The following CDH17 variants were observed in gnomAD, a reference collection of about 807,000 sequenced individuals.
CDH17 encodes the protein cadherin 17.
In CDH17, 67 loss-of-function variants were observed where a neutral mutation model predicts 86.3. The observed-to-expected ratio is 0.78, with a 90% CI of 0.64 to 0.95. The LOEUF is 0.95. Ranked by LOEUF, CDH17 falls within the 40% of genes least tolerant of loss-of-function variation. The probability of loss-of-function intolerance (pLI) is 0.00; values close to 1 mark genes in which losing one functional copy is unlikely to be tolerated. For missense variants in CDH17, 993 were observed against 1,017.6 expected (o/e 0.98, Z 0.33); for synonymous variants, 367 against 366.4 (o/e 1.00, Z -0.02).
chr8:94,177,593 A>G lies in CDH17; in HGVS notation c.279T>C (p.Asn93=). The change falls in exon 4 of 18, where the codon AAT becomes AAC. Residue 93 remains asparagine (N), a synonymous_variant. Transcript: ENST00000027335. ...TCAGCTGGTATCAATTTACCTGGAG[A>G]TTGTGAGTAGATCTTGTTTCCCTGT... The part of the protein sequence containing the change: ...ALDRETRSTH[N]LQVAALDANG... The G allele has an allele frequency of 6.2e-7, 1 of 1,613,702 alleles. No homozygotes were observed. Among genetic ancestry groups the G allele is most frequent in the Non-Finnish European group, 8.5e-7 (1 of 1,179,762 alleles).
At chr8:94,180,721 C>G (rs895035573) in intron 3 of CDH17, among the ~76,000 whole-genome samples, 1 of 151,950 alleles carries the variant, frequency 6.6e-6, no homozygotes. Context: ...CGGTGAAACC[C>G]CATCTCTACT....
chr8:94,186,072 C>T (rs1813573290), intron 3 of CDH17, among the ~76,000 whole-genome samples: 1 of 152,140 alleles, frequency 6.6e-6, no homozygotes, highest in African/African-American at 2.4e-5. Context: ...TCACCACAGA[C>T]AGGTATCTAT....
chr8:94,205,904 T>A (rs1814017122), intron 1 of CDH17, among the ~76,000 whole-genome samples: 1 of 152,198 alleles, frequency 6.6e-6, no homozygotes, highest in East Asian at 1.9e-4. Flanking sequence ...CTCTGCTAGA[T>A]GGCCTCTTGG....
chr8:94,130,353 A>C (rs893366606), intron 17 of CDH17, among the ~76,000 whole-genome samples: 12 of 152,182 alleles, frequency 7.9e-5, no homozygotes, highest in Non-Finnish European at 1.6e-4. Context: ...TTTATCACAA[A>C]AGCTTTGTAA....
intron 4 of CDH17, among the ~76,000 whole-genome samples, chr8:94,176,886 G>T (rs1381414703): frequency 3.9e-5 from 6 of 152,224 alleles, no homozygotes; most frequent in Non-Finnish European, 8.8e-5. Context: ...CTTTCTATCA[G>T]CAGGGTGTTC....
At chr8:94,150,898 G>T (rs569003588) in intron 13 of CDH17, among the ~76,000 whole-genome samples, 36 of 152,284 alleles carry the variant, frequency 2.4e-4, no homozygotes, top group African/African-American at 8.4e-4. Context: ...ATCCCCTACT[G>T]TTCTTTCTTC....
intron 17 of CDH17, among the ~76,000 whole-genome samples, chr8:94,129,073 A>G (rs1229338205): frequency 1.3e-5 from 2 of 152,200 alleles, no homozygotes; most frequent in Non-Finnish European, 2.9e-5. Context: ...TTCCAACCCT[A>G]TCTTGAAAAT....
chr8:94,214,442 T>G (rs927604638), intron 1 of CDH17, among the ~76,000 whole-genome samples: 1 of 152,186 alleles, frequency 6.6e-6, no homozygotes, highest in Non-Finnish European at 1.5e-5. Context: ...ATTGTGAAAT[T>G]GATCTTCACA....
Position 94,191,159 on chromosome 8 carries a change from A to T in CDH17, c.52-1874T>A, listed in dbSNP as rs181335033. On this transcript the variant is annotated intron_variant, in intron 2 of 17. Coordinates refer to ENST00000027335, the MANE Select transcript of CDH17 (RefSeq NM_004063.4). ...TCAAGCTTCCATATTCCTGATTTTA[A>T]AAAAAAGGGTAGTTGTGGCTGCCAT... 2.0e-4 allele frequency among the ~76,000 whole-genome samples: 30 copies of T among 152,208 alleles called. No individual in the cohort carries two copies. The East Asian group carries it at 5.6e-3, about 28-fold the overall frequency.
At chr8:94,207,075 A>T (rs1814042906) in intron 1 of CDH17, among the ~76,000 whole-genome samples, 1 of 152,116 alleles carries the variant, frequency 6.6e-6, no homozygotes, top group African/African-American at 2.4e-5. Flanking sequence ...TCACCCAAAG[A>T]CTTATATGGG....
At chr8:94,142,661 G>C (rs1812662577) in intron 15 of CDH17, among the ~76,000 whole-genome samples, 1 of 149,762 alleles carries the variant, frequency 6.7e-6, no homozygotes, top group South Asian at 2.1e-4. Flanking sequence ...TATCAACTAT[G>C]TTTATGGAAT....
intron 15 of CDH17, among the ~76,000 whole-genome samples, chr8:94,132,652 C>T (rs1297843577): frequency 6.6e-6 from 1 of 152,110 alleles, no homozygotes; most frequent in Non-Finnish European, 1.5e-5. Context: ...TTTTGCTGTG[C>T]AGAAGCTCTT....
intron 3 of CDH17, among the ~76,000 whole-genome samples, chr8:94,181,031 G>T (rs1813476068): frequency 6.7e-6 from 1 of 150,036 alleles, no homozygotes; most frequent in African/African-American, 2.4e-5. Context: ...TCAAAATGAG[G>T]ATAAAATTAA....
At chr8:94,165,085 T>C (rs1813127200) in intron 10 of CDH17, among the ~76,000 whole-genome samples, 1 of 152,144 alleles carries the variant, frequency 6.6e-6, no homozygotes, top group South Asian at 2.1e-4. Flanking sequence ...AAAGCAAGAA[T>C]TGGGAAATAC....
At chr8:94,169,192 AT>A (rs1295361110) in intron 9 of CDH17, among the ~76,000 whole-genome samples, 1 of 152,066 alleles carries the variant, frequency 6.6e-6, no homozygotes, top group Non-Finnish European at 1.5e-5. Flanking sequence ...ACCATCCCAG[AT>A]TTCCCAAGAA....
At chr8:94,168,097 AATATATATATATATATATATAT>A (rs529264296) in intron 9 of CDH17, among the ~76,000 whole-genome samples, 2,561 of 50,638 alleles carry the variant, frequency 0.051, 129 homozygotes, top group East Asian at 0.15. Context: ...TACACTGGGG[AATATATATATATATATATATAT>A]ATATATATAT....
chr8:94,144,123 A>C (rs1812689424), intron 15 of CDH17, among the ~76,000 whole-genome samples: 1 of 152,156 alleles, frequency 6.6e-6, no homozygotes, highest in African/African-American at 2.4e-5. Context: ...CTTACATGCC[A>C]TTTTAAGGTT....
intron 12 of CDH17, among the ~76,000 whole-genome samples, chr8:94,159,224 T>C (rs779449272): frequency 2.6e-5 from 4 of 151,980 alleles, no homozygotes; most frequent in Non-Finnish European, 5.9e-5. Flanking sequence ...GAGGGAGGGT[T>C]GGGAGAATCC....
intron 1 of CDH17, among the ~76,000 whole-genome samples, chr8:94,203,468 T>A (rs1038959808): frequency 6.6e-6 from 1 of 152,190 alleles, no homozygotes; most frequent in African/African-American, 2.4e-5. Flanking sequence ...CTCCTCACTG[T>A]ATATTGCTAA....
Sources: gnomAD v4.1 joint callset for allele counts (sites outside exome capture counted in the v4.1 genomes callset) on GRCh38, gnomAD v4.1.1 for gene constraint, MANE v1.5 for transcripts, NCBI Gene and HGNC (gene_info 2026-07-23, HGNC 2026-07-21) for gene names.